Variants in CCDC148 observed in about 807,000 individuals in gnomAD.
CCDC148 encodes coiled-coil domain containing 148.
Under a neutral mutation model 85.7 loss-of-function variants are expected in CCDC148, and 89 were observed. That is an observed-to-expected ratio of 1.04 (90% CI 0.87 to 1.24). The LOEUF is 1.24. Among genes scored for constraint, CCDC148 ranks in the 50% most tolerant of loss-of-function variants. The pLI is 0.00. For missense variants in CCDC148, 692 were observed against 671.7 expected, an observed-to-expected ratio of 1.03 and a Z score of -0.33; for synonymous variants, 230 against 213.9, an observed-to-expected ratio of 1.08 and a Z score of -0.66.
intron 9 of CCDC148, among the ~76,000 whole-genome samples, chr2:158,275,271 G>A (rs977537688): frequency 6.6e-6 from 1 of 152,156 alleles, no homozygotes; most frequent in African/African-American, 2.4e-5. Flanking sequence ...CTTACCTGTG[G>A]CTTCAGGATA....
chr2:158,398,859 C>A (rs1685646643), intron 1 of CCDC148, among the ~76,000 whole-genome samples: 1 of 151,844 alleles, frequency 6.6e-6, no homozygotes, highest in East Asian at 1.9e-4. Flanking sequence ...AAAAGATCAA[C>A]AAAATAGATA....
At chr2:158,431,782 C>T (rs746010753) in intron 1 of CCDC148, among the ~76,000 whole-genome samples, 37 of 151,878 alleles carry the variant, frequency 2.4e-4, no homozygotes, top group Non-Finnish European at 5.1e-4. Flanking sequence ...ACTAAAAATA[C>T]AAAAAATTAG....
chr2:158,443,544 G>T (rs1688037863), intron 1 of CCDC148, among the ~76,000 whole-genome samples: 1 of 149,662 alleles, frequency 6.7e-6, no homozygotes, highest in South Asian at 2.1e-4. Flanking sequence ...AAAAGTGAAG[G>T]CAGGAGAAAA....
intron 1 of CCDC148, among the ~76,000 whole-genome samples, chr2:158,382,380 T>C (rs1400121577): frequency 6.6e-6 from 1 of 152,166 alleles, no homozygotes; most frequent in Admixed American, 6.6e-5. Flanking sequence ...AAAGTGAGTA[T>C]TGAAATATTC....
At chr2:158,191,475 A>G (rs1052718488) in intron 11 of CCDC148, among the ~76,000 whole-genome samples, 1 of 151,966 alleles carries the variant, frequency 6.6e-6, no homozygotes. Context: ...CAGAACAGTT[A>G]TTTTCACAAA....
chr2:158,379,906 T>C (rs1462681545), intron 1 of CCDC148, among the ~76,000 whole-genome samples: 1 of 152,144 alleles, frequency 6.6e-6, no homozygotes, highest in African/African-American at 2.4e-5. Context: ...AGCTTTACTG[T>C]AGTGGTCTGG....
chr2:158,355,526 T>C (rs1388626291), intron 2 of CCDC148, among the ~76,000 whole-genome samples: 4 of 146,558 alleles, frequency 2.7e-5, no homozygotes, highest in Admixed American at 6.8e-5. Context: ...TTACAAGGGA[T>C]GTGAAGGACC....
intron 9 of CCDC148, among the ~76,000 whole-genome samples, chr2:158,279,665 G>A (rs1160488653): frequency 1.3e-5 from 2 of 152,200 alleles, no homozygotes; most frequent in South Asian, 4.1e-4. Context: ...GTACCTGAAA[G>A]TGACAGGGGG....
intron 1 of CCDC148, among the ~76,000 whole-genome samples, chr2:158,429,828 C>G (rs898068733): frequency 3.3e-5 from 5 of 152,036 alleles, no homozygotes; most frequent in African/African-American, 1.2e-4. Context: ...GAAAATGAAA[C>G]AAGTTGGGTG....
At chr2:158,175,049 T>C (rs1684508774) in intron 13 of CCDC148, among the ~76,000 whole-genome samples, 1 of 151,986 alleles carries the variant, frequency 6.6e-6, no homozygotes, top group Non-Finnish European at 1.5e-5. Context: ...CTAACACATG[T>C]TTCCAGTCTC....
intron 9 of CCDC148, among the ~76,000 whole-genome samples, chr2:158,296,038 T>C (rs1054178402): frequency 1.3e-5 from 2 of 152,244 alleles, no homozygotes; most frequent in Non-Finnish European, 2.9e-5. Flanking sequence ...GGATGGCCTG[T>C]CTTTTTATTA....
chr2:158,213,175 C>T (rs2105294088), intron 11 of CCDC148, among the ~76,000 whole-genome samples: 1 of 152,252 alleles, frequency 6.6e-6, no homozygotes, highest in South Asian at 2.1e-4. Context: ...GTTACATGAG[C>T]ATTGACTGAT....
chr2:158,361,498 G>C (rs1390535076), intron 1 of CCDC148, among the ~76,000 whole-genome samples: 1 of 152,166 alleles, frequency 6.6e-6, no homozygotes, highest in Non-Finnish European at 1.5e-5. Flanking sequence ...CTACAAGCCA[G>C]AATACAGTGG....
chr2:158,195,630 A>G (rs538782673), intron 11 of CCDC148, among the ~76,000 whole-genome samples: 1 of 152,268 alleles, frequency 6.6e-6, no homozygotes, highest in African/African-American at 2.4e-5. Flanking sequence ...CACTCAGGAA[A>G]TCATTTTTAA....
chr2:158,362,840 T>C lies in CCDC148; in HGVS notation c.26-4270A>G, dbSNP rs557908268. Among the ~76,000 whole-genome samples the C allele has an allele frequency of 2.0e-5, 3 of 149,522 alleles. No individual in the cohort carries two copies. In the South Asian group the frequency reaches 6.3e-4, roughly 32 times the overall value. On this transcript the variant is annotated intron_variant, in intron 1 of 13. Transcript: ENST00000283233. ...AAGATCAGAGAAGAACTGAAGGAGA[T>C]AGAGACACAAAAAACCCTTCAAAAA...
At chr2:158,297,155 C>T (rs1691227586) in intron 9 of CCDC148, among the ~76,000 whole-genome samples, 1 of 152,160 alleles carries the variant, frequency 6.6e-6, no homozygotes, top group Non-Finnish European at 1.5e-5. Flanking sequence ...CTATTGAATC[C>T]TTGCCAGTTC....
At chr2:158,355,967 C>G (rs985084469) in intron 2 of CCDC148, among the ~76,000 whole-genome samples, 1 of 135,102 alleles carries the variant, frequency 7.4e-6, no homozygotes, top group Non-Finnish European at 1.5e-5. Flanking sequence ...CTGAGAAAAA[C>G]AAGCAATGGG....
chr2:158,329,278 T>A (rs1254021464), intron 7 of CCDC148, among the ~76,000 whole-genome samples: 1 of 152,230 alleles, frequency 6.6e-6, no homozygotes, highest in Non-Finnish European at 1.5e-5. Flanking sequence ...GGGAATCCTT[T>A]CCCCATTGCT....
At chr2:158,173,048 A>G (rs1684390985) in intron 13 of CCDC148, among the ~76,000 whole-genome samples, 1 of 152,070 alleles carries the variant, frequency 6.6e-6, no homozygotes. Context: ...AAATGTACAC[A>G]GATAACTACA....
Sources: gnomAD v4.1 joint callset for allele counts (sites outside exome capture counted in the v4.1 genomes callset) on GRCh38, gnomAD v4.1.1 for gene constraint, MANE v1.5 for transcripts, NCBI Gene and HGNC (gene_info 2026-07-23, HGNC 2026-07-21) for gene names.